The following KIAA0825 variants were observed in gnomAD, a reference collection of about 807,000 sequenced individuals.
KIAA0825 encodes uncharacterized protein KIAA0825.
KIAA0825 carries 119 observed loss-of-function variants against 147.6 expected under a neutral mutation model. That is an observed-to-expected ratio of 0.81 (90% CI 0.69 to 0.94). KIAA0825 has a LOEUF of 0.94. Among genes scored for constraint, KIAA0825 ranks in the 40% least tolerant of loss-of-function variants. The pLI, the probability that KIAA0825 is intolerant of heterozygous loss-of-function variation, is 0.00. For synonymous variants in KIAA0825, 470 were observed against 518.1 expected (o/e 0.91, Z 1.26); for missense variants, 1,381 against 1,472.7 (o/e 0.94, Z 1.02).
intron 20 of KIAA0825, among the ~76,000 whole-genome samples, chr5:94,376,038 C>T (rs1048238883): frequency 2.6e-5 from 4 of 152,074 alleles, no homozygotes; most frequent in Admixed American, 6.6e-5. Context: ...ACTTAGAGCT[C>T]GGTACCTCTG....
intron 20 of KIAA0825, among the ~76,000 whole-genome samples, chr5:94,155,793 T>C (rs1431184739): frequency 1.3e-5 from 2 of 152,210 alleles, no homozygotes; most frequent in African/African-American, 2.4e-5. Flanking sequence ...AGTTAGGTCA[T>C]TGGTCTAACA....
chr5:94,526,893 T>C (rs1769394413), intron 3 of KIAA0825, among the ~76,000 whole-genome samples: 1 of 151,904 alleles, frequency 6.6e-6, no homozygotes, highest in Non-Finnish European at 1.5e-5. Context: ...GTGTACAATG[T>C]GCTAAGGGAG....
chr5:94,512,761 G>C (rs549567939), intron 5 of KIAA0825, among the ~76,000 whole-genome samples: 1 of 152,058 alleles, frequency 6.6e-6, no homozygotes, highest in Non-Finnish European at 1.5e-5. Flanking sequence ...GCCGGGCATG[G>C]TGGCAGGAGC....
intron 20 of KIAA0825, among the ~76,000 whole-genome samples, chr5:94,362,159 G>GA (rs1745156351): frequency 6.6e-6 from 1 of 152,162 alleles, no homozygotes; most frequent in African/African-American, 2.4e-5. Flanking sequence ...TTTGATCTAT[G>GA]AACTACATAG....
intron 1 of KIAA0825, chr5:94,593,130 A>C (rs1344565170): frequency 1.3e-6 from 1 of 745,836 alleles, no homozygotes; most frequent in African/African-American, 1.7e-5. Context: ...TGAATGTGTT[A>C]TACATCACAC....
intron 2 of KIAA0825, among the ~76,000 whole-genome samples, chr5:94,551,902 C>T (rs2152258966): frequency 6.6e-6 from 1 of 151,914 alleles, no homozygotes; most frequent in South Asian, 2.1e-4. Flanking sequence ...GAAAATAATA[C>T]AATAACAGGA....
intron 20 of KIAA0825, among the ~76,000 whole-genome samples, chr5:94,299,388 CTTT>C (rs1178469759): frequency 7.1e-6 from 1 of 141,290 alleles, no homozygotes. Context: ...GGGTAATTTA[CTTT>C]TTTTTTTTTT....
intron 14 of KIAA0825, among the ~76,000 whole-genome samples, chr5:94,434,210 T>C (rs1756055582): frequency 6.6e-6 from 1 of 152,260 alleles, no homozygotes; most frequent in Non-Finnish European, 1.5e-5. Flanking sequence ...TCAGTTTACT[T>C]TTATTAAGTT....
chr5:94,155,220 T>C (rs968427686), intron 20 of KIAA0825, among the ~76,000 whole-genome samples: 7 of 120,892 alleles, frequency 5.8e-5, no homozygotes, highest in African/African-American at 1.4e-4. Flanking sequence ...TTTCTTTTTT[T>C]TTTTTTTTTT....
intron 2 of KIAA0825, among the ~76,000 whole-genome samples, chr5:94,579,586 G>A (rs1224958190): frequency 1.3e-5 from 2 of 152,128 alleles, no homozygotes; most frequent in East Asian, 3.8e-4. Flanking sequence ...CCACTACCCA[G>A]CTTTATTAAA....
chr5:94,176,515 T>TTA (rs1277133453), intron 20 of KIAA0825, among the ~76,000 whole-genome samples: 1 of 152,180 alleles, frequency 6.6e-6, no homozygotes, highest in Non-Finnish European at 1.5e-5. Flanking sequence ...TGTTGATTAA[T>TTA]ATGCCCAACT....
At chr5:94,311,816 T>C (rs555565609) in intron 20 of KIAA0825, among the ~76,000 whole-genome samples, 1 of 151,890 alleles carries the variant, frequency 6.6e-6, no homozygotes, top group African/African-American at 2.4e-5. Context: ...AGTTTTTATT[T>C]GCAGATTTTG....
At chr5:94,408,650 G>A (rs1029500621) in intron 15 of KIAA0825, among the ~76,000 whole-genome samples, 1 of 152,092 alleles carries the variant, frequency 6.6e-6, no homozygotes, top group Non-Finnish European at 1.5e-5. Context: ...TGGGATTACA[G>A]GCATGAGCCA....
intron 20 of KIAA0825, among the ~76,000 whole-genome samples, chr5:94,174,421 G>A (rs764724187): frequency 1.1e-4 from 16 of 152,054 alleles, no homozygotes; most frequent in Admixed American, 3.9e-4. Context: ...TGGGTTCTGC[G>A]TCAATTGTGT....
At chr5:94,384,267 CA>C in intron 20 of KIAA0825, 100 bp downstream of exon 20, 1 of 808,126 alleles carries the variant, frequency 1.2e-6, no homozygotes, top group South Asian at 1.8e-5. Flanking sequence ...TCACTTTTCC[CA>C]AAAGTATGCT....
At chr5:94,339,878 A>C (rs891081988) in intron 20 of KIAA0825, among the ~76,000 whole-genome samples, 10 of 152,184 alleles carry the variant, frequency 6.6e-5, no homozygotes, top group Non-Finnish European at 1.0e-4. Context: ...TACCTTATAA[A>C]CTTAAAAAGC....
intron 20 of KIAA0825, among the ~76,000 whole-genome samples, chr5:94,214,137 T>C (rs1426172649): frequency 6.6e-6 from 1 of 152,116 alleles, no homozygotes; most frequent in East Asian, 1.9e-4. Context: ...ATTACAGGCA[T>C]GAACCACTGC....
chr5:94,339,623 G>A (rs1198497816), intron 20 of KIAA0825, among the ~76,000 whole-genome samples: 1 of 152,038 alleles, frequency 6.6e-6, no homozygotes, highest in East Asian at 1.9e-4. Context: ...CAGGCACTCG[G>A]GAGACAATGT....
At chr5:94,250,040 GGTTTTTAT>G (rs1290325150) in intron 20 of KIAA0825, among the ~76,000 whole-genome samples, 1 of 151,988 alleles carries the variant, frequency 6.6e-6, no homozygotes, top group Non-Finnish European at 1.5e-5. Context: ...CTGGTCTTCA[GGTTTTTAT>G]GTTTTCCAAT....
Sources: gnomAD v4.1 joint callset for allele counts (sites outside exome capture counted in the v4.1 genomes callset) on GRCh38, gnomAD v4.1.1 for gene constraint, MANE v1.5 for transcripts, NCBI Gene and HGNC (gene_info 2026-07-23, HGNC 2026-07-21) for gene names.